The following CNBD1 variants were observed in gnomAD, a reference collection of about 807,000 sequenced individuals.
CNBD1 encodes the protein cyclic nucleotide-binding domain-containing protein 1.
In CNBD1, 71 loss-of-function variants were observed where a neutral mutation model predicts 54.4. The observed-to-expected ratio is 1.30, with a 90% CI of 1.08 to 1.59. CNBD1 has a LOEUF of 1.59. CNBD1 is among the 40% of genes most tolerant of loss of function. The probability of loss-of-function intolerance (pLI) is 0.00; values close to 1 mark genes in which losing one functional copy is unlikely to be tolerated. For missense variants in CNBD1, 659 were observed against 518.0 expected (o/e 1.27, Z -2.64); for synonymous variants, 182 against 170.7 (o/e 1.07, Z -0.51).
At chr8:86,990,601 G>T (rs1808723276) in intron 4 of CNBD1, among the ~76,000 whole-genome samples, 1 of 152,132 alleles carries the variant, frequency 6.6e-6, no homozygotes, top group Non-Finnish European at 1.5e-5. Context: ...TAGCTCTGTA[G>T]TATAATTTGA....
chr8:87,365,988 T>C (rs530586461), intron 10 of CNBD1, among the ~76,000 whole-genome samples: 10 of 152,064 alleles, frequency 6.6e-5, no homozygotes, highest in Non-Finnish European at 1.5e-4. Flanking sequence ...TATAAATCAT[T>C]TTTAGTTGCC....
At chr8:87,392,778 G>A (rs1050931206) in intron 2 of CNBD1, among the ~76,000 whole-genome samples, 11 of 151,794 alleles carry the variant, frequency 7.2e-5, no homozygotes, top group African/African-American at 2.7e-4. Context: ...ACAATAAATT[G>A]TTCACTTCCA....
chr8:87,343,935 C>T (rs1317164644), intron 8 of CNBD1, among the ~76,000 whole-genome samples: 1 of 151,770 alleles, frequency 6.6e-6, no homozygotes, highest in Non-Finnish European at 1.5e-5. Context: ...ATATATCATA[C>T]TTGATACATA....
At chr8:87,245,373 C>T (rs920814759) in intron 6 of CNBD1, among the ~76,000 whole-genome samples, 1 of 151,962 alleles carries the variant, frequency 6.6e-6, no homozygotes, top group African/African-American at 2.4e-5. Context: ...TTTTTAATAA[C>T]ATCATAAAAT....
chr8:87,321,572 T>C (rs142353627), intron 8 of CNBD1, among the ~76,000 whole-genome samples: 1 of 152,166 alleles, frequency 6.6e-6, no homozygotes, highest in Non-Finnish European at 1.5e-5. Flanking sequence ...TAGATGTTCC[T>C]TATATATTTT....
intron 3 of CNBD1, among the ~76,000 whole-genome samples, chr8:86,919,827 A>G (rs1418685684): frequency 6.6e-6 from 1 of 152,184 alleles, no homozygotes; most frequent in Non-Finnish European, 1.5e-5. Context: ...TCAAACTTTA[A>G]TATGTGCACA....
At chr8:87,364,013 G>A (rs1417488561) in intron 10 of CNBD1, among the ~76,000 whole-genome samples, 2 of 150,250 alleles carry the variant, frequency 1.3e-5, no homozygotes, top group Non-Finnish European at 3.0e-5. Context: ...ACAAATCTTT[G>A]ACAACCATTT....
chr8:87,087,234 C>CATATATATATACGTATATAT (rs1554553567), intron 4 of CNBD1, among the ~76,000 whole-genome samples: 2 of 138,764 alleles, frequency 1.4e-5, no homozygotes, highest in African/African-American at 5.6e-5. Context: ...CACACACACA[C>CATATATATATACGTATATAT]ATATATATAT....
At chr8:87,037,648 A>G (rs2130604446) in intron 4 of CNBD1, among the ~76,000 whole-genome samples, 1 of 152,220 alleles carries the variant, frequency 6.6e-6, no homozygotes, top group South Asian at 2.1e-4. Context: ...TTTGTTATCA[A>G]AGTATTTATT....
intron 4 of CNBD1, among the ~76,000 whole-genome samples, chr8:87,077,412 CTTTT>C (rs374931620): frequency 3.1e-5 from 4 of 129,590 alleles, no homozygotes; most frequent in African/African-American, 1.1e-4. Context: ...TCTTCTTCTT[CTTTT>C]TTTTTTTTTT....
intron 2 of CNBD1, among the ~76,000 whole-genome samples, chr8:86,895,049 A>G (rs1318602268): frequency 6.6e-6 from 1 of 152,158 alleles, no homozygotes; most frequent in Non-Finnish European, 1.5e-5. Flanking sequence ...TCTCATGATA[A>G]TTAACCTTCT....
chr8:87,226,775 G>T (rs1244479870), intron 5 of CNBD1, among the ~76,000 whole-genome samples: 1 of 151,552 alleles, frequency 6.6e-6, no homozygotes, highest in African/African-American at 2.4e-5. Flanking sequence ...GCAGAGCTGA[G>T]TTCAATTCCT....
At chr8:87,224,076 T>G (rs1001645508) in intron 5 of CNBD1, among the ~76,000 whole-genome samples, 1 of 151,336 alleles carries the variant, frequency 6.6e-6, no homozygotes, top group African/African-American at 2.4e-5. Context: ...TTCACCCACT[T>G]TTTGATGGGG....
At chr8:87,086,601 T>C (rs191378583) in intron 4 of CNBD1, among the ~76,000 whole-genome samples, 78 of 152,308 alleles carry the variant, frequency 5.1e-4, no homozygotes, top group African/African-American at 1.8e-3. Flanking sequence ...TTTCAGATGT[T>C]TTCCCTAGAG....
intron 6 of CNBD1, among the ~76,000 whole-genome samples, chr8:87,264,267 C>T (rs1420153857): frequency 3.3e-5 from 5 of 151,808 alleles, no homozygotes; most frequent in Admixed American, 6.6e-5. Context: ...TTTGTCCTTG[C>T]GATAGTTTGC....
chr8:87,260,202 C>T (rs937900537), intron 6 of CNBD1, among the ~76,000 whole-genome samples: 2 of 152,118 alleles, frequency 1.3e-5, no homozygotes, highest in Non-Finnish European at 1.5e-5. Flanking sequence ...ATTTTTAGAG[C>T]TAATTACGAC....
At chr8:87,354,368 C>T (rs1264097284) in intron 10 of CNBD1, among the ~76,000 whole-genome samples, 1 of 151,918 alleles carries the variant, frequency 6.6e-6, no homozygotes, top group African/African-American at 2.4e-5. Flanking sequence ...ACCTGGGCCT[C>T]ATGAGGGTAC....
At chr8:87,042,565 A>G (rs1403515223) in intron 4 of CNBD1, among the ~76,000 whole-genome samples, 1 of 152,218 alleles carries the variant, frequency 6.6e-6, no homozygotes, top group Non-Finnish European at 1.5e-5. Context: ...AATATTGACC[A>G]GAATAGATTA....
chr8:87,337,002 C>G (rs1234800914), intron 8 of CNBD1, among the ~76,000 whole-genome samples: 1 of 152,070 alleles, frequency 6.6e-6, no homozygotes, highest in Non-Finnish European at 1.5e-5. Context: ...AGGTCCTATT[C>G]ATCTAGTTTA....
Sources: gnomAD v4.1 joint callset for allele counts (sites outside exome capture counted in the v4.1 genomes callset) on GRCh38, gnomAD v4.1.1 for gene constraint, MANE v1.5 for transcripts, NCBI Gene and HGNC (gene_info 2026-07-23, HGNC 2026-07-21) for gene names.